Variants in MRPS33 observed in about 807,000 individuals in gnomAD.
MRPS33 encodes the protein mitochondrial ribosomal protein S33, also known as small ribosomal subunit protein mS33.
MRPS33 carries 11 observed loss-of-function variants against 11.2 expected under a neutral mutation model. The observed-to-expected ratio is 0.99, with a 90% CI of 0.62 to 1.63. The LOEUF is 1.63. Among genes scored for constraint, MRPS33 ranks in the 40% most tolerant of loss-of-function variants. MRPS33 has a pLI of 0.00. For missense variants in MRPS33, 109 were observed against 127.8 expected (o/e 0.85, Z 0.71); for synonymous variants, 46 against 44.0 (o/e 1.05, Z -0.18).
chr7:141,014,710 C>G (rs1048777320), intron 1 of MRPS33: 4 of 152,256 alleles, frequency 2.6e-5, no homozygotes, highest in East Asian at 1.9e-4. Flanking sequence ...AGCGGAAACG[C>G]GGGTATTCTA....
At position 141,004,744 on chromosome 7, in the gene MRPS33, C is replaced by T. The variant is rs948807663; in HGVS notation, c.*1686G>A. ...CAGAACAACTGTTGGAAAAAAAAAT[C>T]AGAGAAGCCTTCACAATTTTTTTTT... On this transcript the variant is annotated 3_prime_UTR_variant, in exon 3 of 3. Coordinates refer to ENST00000324787, the MANE Select transcript of MRPS33 (RefSeq NM_053035.3). 1.3e-5 allele frequency: 2 copies of T among 152,014 alleles called. No individual in the cohort carries two copies. The highest frequency in any genetic ancestry group is 2.1e-4 in the South Asian group (1 of 4,824). The allele number at this position is 152,014 out of a possible 1,614,324, so 9.4% of individuals were successfully genotyped here.
At chr7:141,014,789 G>A (rs1009724625) in intron 1 of MRPS33, 122 bp downstream of exon 1, 5 of 152,178 alleles carry the variant, frequency 3.3e-5, no homozygotes, top group African/African-American at 4.8e-5. Context: ...TGAACCGCCC[G>A]AGCTGGTCAC....
intron 1 of MRPS33, 105 bp from the exon 2 acceptor site, chr7:141,010,765 G>C (rs983775818): frequency 5.0e-5 from 40 of 805,554 alleles, no homozygotes; most frequent in Non-Finnish European, 7.4e-5. Flanking sequence ...TCATGGATCA[G>C]TGCAGTGTTG....
rs1406037288 is a variant in MRPS33, at chr7:141,003,613, C to A, written c.*2817G>T. 2.0e-5 allele frequency: 3 copies of A among 152,366 alleles called. No individual in the cohort carries two copies. Among genetic ancestry groups the A allele is most frequent in the African/African-American group, 7.2e-5 (3 of 41,598 alleles). The allele number at this position is 152,366 out of a possible 1,614,324, so 9.4% of individuals were successfully genotyped here. A position where few individuals can be genotyped will look rare whatever the true frequency, so the allele number is the denominator to read the frequency against. ...CCATCGGCAAACCAATACATCGATT[C>A]TTTACTTGTTTTCCGACTCAGGTCT... On this transcript the variant is annotated 3_prime_UTR_variant, in exon 3 of 3. Transcript: ENST00000324787.
chr7:141,010,737 G>T, intron 1 of MRPS33, 77 bp from the exon 2 acceptor site: 1 of 1,065,146 alleles, frequency 9.4e-7, no homozygotes, highest in Non-Finnish European at 1.4e-6. Flanking sequence ...GTTAGAAAAT[G>T]CAAACACAGC....
rs530408054 is a variant in MRPS33 at position 141,010,578 on chromosome 7, A to G, written c.56T>C (p.Phe19Ser). ...FRMSRLSARL[F>S]GEVTRPTNSK... The stretch of plus-strand genomic sequence containing the variant: ...ATTAGTAGGCCTGGTGACTTCACCA[A>G]ATAGCCGGGCACTGAGACGAGACAT... Residue 19 changes from phenylalanine (F) to serine (S), a missense_variant, in exon 2 of 3, where the codon TTT (phenylalanine) becomes TCT (serine). Physicochemically the swap from Phe to Ser is radical, Grantham distance 155 (BLOSUM62 -2). Transcript: ENST00000324787. 1 of 1,614,234 alleles carries G rather than the reference A, an allele frequency of 6.2e-7. No individual in the cohort carries two copies. The highest frequency in any genetic ancestry group is 8.5e-7 in the Non-Finnish European group (1 of 1,180,042).
intron 1 of MRPS33, among the ~76,000 whole-genome samples, chr7:141,014,150 G>C (rs1820744879): frequency 6.6e-6 from 1 of 152,142 alleles, no homozygotes; most frequent in African/African-American, 2.4e-5. Flanking sequence ...CTTATTCTCT[G>C]CCAGGTTCTC....
chr7:141,011,160 G>A (rs1452973081), intron 1 of MRPS33, among the ~76,000 whole-genome samples: 1 of 152,190 alleles, frequency 6.6e-6, no homozygotes, highest in Non-Finnish European at 1.5e-5. Flanking sequence ...GGCTCCAGAA[G>A]GCTCTGAGAG....
rs1021367631 is a variant in MRPS33, at chr7:141,005,188, T to G, written c.*1242A>C. 6.6e-6 allele frequency: 1 copy of G among 152,246 alleles called. No individual in the cohort carries two copies. Among genetic ancestry groups the G allele is most frequent in the African/African-American group, 2.4e-5 (1 of 41,458 alleles). 9.4% of individuals were successfully genotyped at this position (152,246 alleles called of 1,614,324 possible). A position where few individuals can be genotyped will look rare whatever the true frequency, so the allele number is the denominator to read the frequency against. On this transcript the variant is annotated 3_prime_UTR_variant, in exon 3 of 3. Transcript: ENST00000324787. Reference sequence around the variant, plus strand: ...TCCACAGAATTTCCAAAGCCCTTCATGATCTGGCCTCTGTTTTCTTACAGC... The same window carrying G: ...TCCACAGAATTTCCAAAGCCCTTCAGGATCTGGCCTCTGTTTTCTTACAGC...
At chr7:141,009,184 TA>T (rs1820611023) in intron 2 of MRPS33, among the ~76,000 whole-genome samples, 1 of 150,714 alleles carries the variant, frequency 6.6e-6, no homozygotes, top group Admixed American at 6.7e-5. Context: ...CAGGCTGGAG[TA>T]CAGTGGCATG....
In MRPS33 at chr7:141,010,499, C is replaced by A; in HGVS notation, c.135G>T (p.Lys45Asn). 6.2e-7 allele frequency: 1 copy of A among 1,614,174 alleles called. No individual in the cohort carries two copies. Among genetic ancestry groups the A allele is most frequent in the Non-Finnish European group, 8.5e-7 (1 of 1,180,036 alleles). Residue 45 changes from lysine (K) to asparagine (N), a missense_variant, in exon 2 of 3, where the codon AAG (lysine) becomes AAT (asparagine). Transcript: ENST00000324787. The stretch of plus-strand genomic sequence containing the variant: ...TTGGATACCAATCATAAGTCTCCTT[C>A]TTCTTGGCCAAGGGCAGTTCACTAA... ...KLFSELPLAKKKETYDWYPNH... is the reference protein window; with the variant it reads ...KLFSELPLAKNKETYDWYPNH...
chr7:141,005,293 C>G lies in MRPS33; in HGVS notation c.*1137G>C, dbSNP rs555878148. The G allele has an allele frequency of 6.6e-6, 1 of 152,338 alleles. No homozygotes were observed. Among genetic ancestry groups the G allele is most frequent in the South Asian group, 2.1e-4 (1 of 4,828 alleles). The allele number at this position is 152,338 out of a possible 1,614,324, so 9.4% of individuals were successfully genotyped here. A position where few individuals can be genotyped will look rare whatever the true frequency, so the allele number is the denominator to read the frequency against. On this transcript the variant is annotated 3_prime_UTR_variant, in exon 3 of 3. Coordinates refer to ENST00000324787, the MANE Select transcript of MRPS33 (RefSeq NM_053035.3). Reference sequence around the variant, plus strand: ...GCTTTGCAAATAGTACTCTCTGCCTCAAACCCCTTTCTCACCATTTTCCTT... The same window carrying G: ...GCTTTGCAAATAGTACTCTCTGCCTGAAACCCCTTTCTCACCATTTTCCTT...
chr7:141,011,191 C>T (rs1268920509), intron 1 of MRPS33, among the ~76,000 whole-genome samples: 1 of 152,170 alleles, frequency 6.6e-6, no homozygotes, highest in Non-Finnish European at 1.5e-5. Context: ...GTTATGAGGT[C>T]ATTTGGCTTC....
intron 1 of MRPS33, 61 bp downstream of exon 1, chr7:141,014,850 C>T (rs114560544): frequency 2.9e-4 from 45 of 152,698 alleles, no homozygotes; most frequent in African/African-American, 1.0e-3. Context: ...GTTGGAGACC[C>T]CCGTAGACTT....
In MRPS33 at chr7:141,006,223, A is replaced by G; in HGVS notation, c.*207T>C. On this transcript the variant is annotated 3_prime_UTR_variant, in exon 3 of 3. Transcript: ENST00000324787. ...CAGGTAAACCTCACATTACACGGCC[A>G]AGGCCAAGATAATTTTGCACAGTTA... The G allele has an allele frequency of 1.7e-6, 1 of 573,590 alleles. No individual in the cohort carries two copies. 35.5% of individuals were successfully genotyped at this position (573,590 alleles called of 1,614,324 possible). A position where few individuals can be genotyped will look rare whatever the true frequency, so the allele number is the denominator to read the frequency against.
intron 2 of MRPS33, among the ~76,000 whole-genome samples, chr7:141,008,883 C>T (rs1820602701): frequency 6.6e-6 from 1 of 151,274 alleles, no homozygotes; most frequent in East Asian, 1.9e-4. Context: ...TAACCTCTTC[C>T]TCCTGAGTTC....
chr7:141,010,492 TCTC>T lies in MRPS33; in HGVS notation c.139_141del (p.Glu47del). ...TGGTGATTTGGATACCAATCATAAG[TCTC>T]CTTCTTCTTGGCCAAGGGCAGTTCA... On this transcript the variant is annotated inframe_deletion, in exon 2 of 3. Coordinates refer to ENST00000324787, the MANE Select transcript of MRPS33 (RefSeq NM_053035.3). 1.2e-6 allele frequency: 2 copies of T among 1,614,152 alleles called. No individual in the cohort carries two copies. The highest frequency in any genetic ancestry group is 8.5e-7 in the Non-Finnish European group (1 of 1,180,032).
At chr7:141,006,999 T>G (rs1189739365) in intron 2 of MRPS33, among the ~76,000 whole-genome samples, 1 of 152,066 alleles carries the variant, frequency 6.6e-6, no homozygotes, top group Non-Finnish European at 1.5e-5. Flanking sequence ...GAAACCTTAG[T>G]GGCAGCAGGT....
At chr7:141,013,268 G>A (rs1390328098) in intron 1 of MRPS33, among the ~76,000 whole-genome samples, 1 of 152,216 alleles carries the variant, frequency 6.6e-6, no homozygotes, top group Non-Finnish European at 1.5e-5. Context: ...ACAGGATGCT[G>A]CTGTTATGTC....
Sources: gnomAD v4.1 joint callset for allele counts (sites outside exome capture counted in the v4.1 genomes callset) on GRCh38, gnomAD v4.1.1 for gene constraint, MANE v1.5 for transcripts, NCBI Gene and HGNC (gene_info 2026-07-23, HGNC 2026-07-21) for gene names.